The following GALNT4 variants were observed in gnomAD, a reference collection of about 807,000 sequenced individuals.
GALNT4 encodes polypeptide N-acetylgalactosaminyltransferase 4.
In GALNT4, 23 loss-of-function variants were observed where a neutral mutation model predicts 45.1. The observed-to-expected ratio is 0.51, with a 90% CI of 0.37 to 0.72. The LOEUF is 0.72. GALNT4 is among the 30% of genes least tolerant of loss of function. The probability of loss-of-function intolerance (pLI) is 0.00; values close to 1 mark genes in which losing one functional copy is unlikely to be tolerated. For missense variants in GALNT4, 757 were observed against 709.0 expected (o/e 1.07, Z -0.77); for synonymous variants, 264 against 257.6 (o/e 1.02, Z -0.24).
chr12:89,524,477 C>G lies in GALNT4; in HGVS notation c.73G>C (p.Val25Leu), dbSNP rs1871234804. Residue 25 changes from valine (V) to leucine (L), a missense_variant, in exon 1 of 1, where the codon GTG (valine) becomes CTG (leucine). By Grantham distance (32) the Val-to-Leu change is conservative. Transcript: ENST00000529983. ...LAFLTVAYIF[V>L]ELLVSTFHAS... ...TGAAAAGTAGAGACCAAGAGCTCCA[C>G]GAAGATATAGGCCACTGTTAAAAAC... The G allele has an allele frequency of 1.2e-6, 2 of 1,613,506 alleles. No individual in the cohort carries two copies. The highest frequency in any genetic ancestry group is 1.7e-6 in the Non-Finnish European group (2 of 1,179,896).
rs1480364213 is a variant in GALNT4, at chr12:89,523,065, C to T, written c.1485G>A (p.Arg495=). The part of the protein sequence containing the change: ...FFEYTSNKEI[R]FNSVTELCAE... ...CACATAACTCTGTCACAGAATTAAA[C>T]CTTATTTCTTTGTTTGAAGTATATT... The change falls in exon 1 of 1, where the codon AGG becomes AGA. Residue 495 remains arginine, a synonymous_variant. Coordinates refer to ENST00000529983, the MANE Select transcript of GALNT4 (RefSeq NM_003774.5). 1.9e-6 allele frequency: 3 copies of T among 1,613,690 alleles called. No individual in the cohort carries two copies. The highest frequency in any genetic ancestry group is 2.5e-6 in the Non-Finnish European group (3 of 1,179,766).
rs969955097 is a variant in GALNT4 at position 89,520,914 on chromosome 12, C to G, written c.*1899G>C. 1 of 151,992 alleles carries G rather than the reference C, an allele frequency of 6.6e-6. No individual in the cohort carries two copies. The highest frequency in any genetic ancestry group is 2.1e-4 in the South Asian group (1 of 4,828). The allele number at this position is 151,992 out of a possible 1,614,324, so 9.4% of individuals were successfully genotyped here. A position where few individuals can be genotyped will look rare whatever the true frequency, so the allele number is the denominator to read the frequency against. On this transcript the variant is annotated 3_prime_UTR_variant, in exon 1 of 1. Transcript: ENST00000529983. ...CCAGTAAAAATACTTTTAAAAAAAG[C>G]GTTTACTTCCCGAGTAATTTAGTTT...
rs1279833175 is a variant in GALNT4 at position 89,520,243 on chromosome 12, T to G, written c.*2570A>C. Reference sequence around the variant, plus strand: ...TTTAGGGCAAAAAGTCAATAAAGAATTAAGGTACTTTATTTTTAAAAGCCT... The same window carrying G: ...TTTAGGGCAAAAAGTCAATAAAGAAGTAAGGTACTTTATTTTTAAAAGCCT... On this transcript the variant is annotated 3_prime_UTR_variant, in exon 1 of 1. Transcript: ENST00000529983. The G allele has an allele frequency of 6.6e-6, 1 of 152,130 alleles. No individual in the cohort carries two copies. Among genetic ancestry groups the G allele is most frequent in the African/African-American group, 2.4e-5 (1 of 41,448 alleles). The allele number at this position is 152,130 out of a possible 1,614,324, so 9.4% of individuals were successfully genotyped here.
Position 89,523,863 on chromosome 12 carries a change from G to T in GALNT4, c.687C>A (p.His229Gln). Residue 229 changes from histidine to glutamine, a missense_variant, in exon 1 of 1, where the codon CAC (histidine) becomes CAA (glutamine). Coordinates refer to ENST00000529983, the MANE Select transcript of GALNT4 (RefSeq NM_003774.5). ...TGDVLTFLDC[H>Q]CECNSGWLEP... Reference sequence around the variant, plus strand: ...CCAGCCAACCGGAATTACACTCACAGTGACAATCCAGGAAAGTGAGGACGT... The same window carrying T: ...CCAGCCAACCGGAATTACACTCACATTGACAATCCAGGAAAGTGAGGACGT... The T allele has an allele frequency of 6.4e-7, 1 of 1,562,084 alleles. No individual in the cohort carries two copies.
At position 89,523,961 on chromosome 12, in the gene GALNT4, G is replaced by A. The variant is rs1451210682; in HGVS notation, c.589C>T (p.Arg197Cys). The change falls in exon 1 of 1, where the codon CGC becomes TGC. Residue 197 changes from arginine to cysteine, a missense_variant. Arg to Cys is a radical substitution (Grantham distance 180). Transcript: ENST00000529983. ...TCTCGCTTATTGGTCCTAATCAAGC[G>A]TACTCTATCAAGATTGCTGATGTAA... ...ETYISNLDRV[R>C]LIRTNKREGL... 3.7e-6 allele frequency: 6 copies of A among 1,613,780 alleles called. No individual in the cohort carries two copies. Among genetic ancestry groups the A allele is most frequent in the Admixed American group, 3.3e-5 (2 of 59,966 alleles).
In GALNT4 at chr12:89,524,109, G is replaced by C. The variant is rs748896616; in HGVS notation, c.441C>G (p.Ala147=). Residue 147 remains alanine, a synonymous_variant, in exon 1 of 1, where the codon GCC becomes GCG. Transcript: ENST00000529983. ...GAATGGTACGGAGCAAAGTCGACCA[G>C]GCTTCGTTATAGAAAGCAATGATAA... ...TSVIIAFYNE[A]WSTLLRTIHS... The C allele has an allele frequency of 8.7e-6, 14 of 1,613,870 alleles. No homozygotes were observed. The highest frequency in any genetic ancestry group is 1.2e-5 in the Non-Finnish European group (14 of 1,179,890).
At position 89,522,486 on chromosome 12, in the gene GALNT4, GGAC is replaced by G. The variant is rs1870968276; in HGVS notation, c.*324_*326del. 2.9e-6 allele frequency: 1 copy of G among 346,642 alleles called. No individual in the cohort carries two copies. Among genetic ancestry groups the G allele is most frequent in the African/African-American group, 2.1e-5 (1 of 47,686 alleles). The allele number at this position is 346,642 out of a possible 1,614,324, so 21.5% of individuals were successfully genotyped here. On this transcript the variant is annotated 3_prime_UTR_variant, in exon 1 of 1. Coordinates refer to ENST00000529983, the MANE Select transcript of GALNT4 (RefSeq NM_003774.5). ...ACATAAATCATACCTCATTTTACTT[GGAC>G]CTTTACATTCTTTAATATTAAGTCT...
In GALNT4 at chr12:89,524,330, G is replaced by A; in HGVS notation, c.220C>T (p.Leu74Phe). ...TTGCTGGCTTTCCCCCACTCCCCAA[G>A]TGCACGGGAATCTGCAGGGGGCTTC... The part of the protein sequence containing the change: ...YKKPPADSRA[L>F]GEWGKASKLQ... Residue 74 changes from leucine (L) to phenylalanine (F), a missense_variant, in exon 1 of 1, where the codon CTT (leucine) becomes TTT (phenylalanine). Physicochemically the swap from Leu to Phe is conservative, Grantham distance 22. Coordinates refer to ENST00000529983, the MANE Select transcript of GALNT4 (RefSeq NM_003774.5). The A allele has an allele frequency of 6.2e-7, 1 of 1,613,992 alleles. No homozygotes were observed. Among genetic ancestry groups the A allele is most frequent in the Non-Finnish European group, 8.5e-7 (1 of 1,179,880 alleles).
In GALNT4 at chr12:89,522,257, C is replaced by T; in HGVS notation, c.*556G>A. On this transcript the variant is annotated 3_prime_UTR_variant, in exon 1 of 1. Transcript: ENST00000529983. ...TCAAACAAATGCCCTCTTCCAATTACACATATCTCTAAAACCAGGCCTTTT... is the reference window on the plus strand; with the variant it reads ...TCAAACAAATGCCCTCTTCCAATTATACATATCTCTAAAACCAGGCCTTTT... 2.5e-6 allele frequency: 1 copy of T among 398,240 alleles called. No homozygotes were observed. The highest frequency in any genetic ancestry group is 2.1e-5 in the African/African-American group (1 of 48,746). 24.7% of individuals were successfully genotyped at this position (398,240 alleles called of 1,614,324 possible).
chr12:89,521,098 A>ATTTTTTTTTTTTTTTTTTTTTT lies in GALNT4; in HGVS notation c.*1714_*1715insAAAAAAAAAAAAAAAAAAAAAA, dbSNP rs201411448. 1.8e-5 allele frequency: 2 copies of ATTTTTTTTTTTTTTTTTTTTTT among 113,250 alleles called. 1 individual carries two copies. The highest frequency in any genetic ancestry group is 7.0e-5 in the African/African-American group (2 of 28,636). The allele number at this position is 113,250 out of a possible 1,614,324, so 7.0% of individuals were successfully genotyped here. A position where few individuals can be genotyped will look rare whatever the true frequency, so the allele number is the denominator to read the frequency against. On this transcript the variant is annotated 3_prime_UTR_variant, in exon 1 of 1. Coordinates refer to ENST00000529983, the MANE Select transcript of GALNT4 (RefSeq NM_003774.5). ...CACTTCAGGTGAGTTCAGCTCACTT[A>ATTTTTTTTTTTTTTTTTTTTTT]TTTTATTATTATTTTTTTTTTTTGA...
chr12:89,524,150 G>C lies in GALNT4; in HGVS notation c.400C>G (p.Leu134Val). ...GCAATGATAACAGAGGTGGTAGGAAGTGTCCTATAGTTGAACTTCTGGGAC... is the reference window on the plus strand; with the variant it reads ...GCAATGATAACAGAGGTGGTAGGAACTGTCCTATAGTTGAACTTCTGGGAC... ...CKSQKFNYRTLPTTSVIIAFY... is the reference protein window; with the variant it reads ...CKSQKFNYRTVPTTSVIIAFY... The change falls in exon 1 of 1, where the codon CTT (leucine) becomes GTT (valine). Residue 134 changes from leucine (L) to valine (V), a missense_variant. Physicochemically the swap from Leu to Val is conservative, Grantham distance 32. Coordinates refer to ENST00000529983, the MANE Select transcript of GALNT4 (RefSeq NM_003774.5). 1.2e-6 allele frequency: 2 copies of C among 1,614,060 alleles called. No individual in the cohort carries two copies. Among genetic ancestry groups the C allele is most frequent in the Non-Finnish European group, 1.7e-6 (2 of 1,179,900 alleles).
chr12:89,523,516 A>G lies in GALNT4; in HGVS notation c.1034T>C (p.Val345Ala). Residue 345 changes from valine (V) to alanine (A), a missense_variant, in exon 1 of 1, where the codon GTG (valine) becomes GCG (alanine). Physicochemically the swap from Val to Ala is moderately conservative, Grantham distance 64. Transcript: ENST00000529983. ...GGENLELSFR[V>A]WQCGGKLEIH... ...CTCCAATTTGCCACCACACTGCCAC[A>G]CCCTAAAAGACAGCTCAAGGTTTTC... 1.2e-6 allele frequency: 2 copies of G among 1,608,196 alleles called. No homozygotes were observed. Among genetic ancestry groups the G allele is most frequent in the Non-Finnish European group, 1.7e-6 (2 of 1,177,514 alleles).
rs1396084024 is a variant in GALNT4 at position 89,521,854 on chromosome 12, G to T, written c.*959C>A. 5.0e-6 allele frequency: 2 copies of T among 397,704 alleles called. No individual in the cohort carries two copies. The highest frequency in any genetic ancestry group is 4.4e-6 in the Non-Finnish European group (1 of 225,834). The allele number at this position is 397,704 out of a possible 1,614,324, so 24.6% of individuals were successfully genotyped here. On this transcript the variant is annotated 3_prime_UTR_variant, in exon 1 of 1. Coordinates refer to ENST00000529983, the MANE Select transcript of GALNT4 (RefSeq NM_003774.5). Reference sequence around the variant, plus strand: ...ATTTCCTGATCAGCAGAACTCGTAGGAGAGTTCCACAGCCTTGGTAGAACC... The same window carrying T: ...ATTTCCTGATCAGCAGAACTCGTAGTAGAGTTCCACAGCCTTGGTAGAACC...
At position 89,519,837 on chromosome 12, in the gene GALNT4, A is replaced by G. The variant is rs1465579222; in HGVS notation, c.*2976T>C. 1 of 152,468 alleles carries G rather than the reference A, an allele frequency of 6.6e-6. No individual in the cohort carries two copies. Among genetic ancestry groups the G allele is most frequent in the Non-Finnish European group, 1.5e-5 (1 of 68,004 alleles). The allele number at this position is 152,468 out of a possible 1,614,324, so 9.4% of individuals were successfully genotyped here. A position where few individuals can be genotyped will look rare whatever the true frequency, so the allele number is the denominator to read the frequency against. ...AATGACTAAAAATGCCTATTTAGATAGTCAACCTATCCGTAAAGTTGGACA... is the reference window on the plus strand; with the variant it reads ...AATGACTAAAAATGCCTATTTAGATGGTCAACCTATCCGTAAAGTTGGACA... On this transcript the variant is annotated 3_prime_UTR_variant, in exon 1 of 1. Coordinates refer to ENST00000529983, the MANE Select transcript of GALNT4 (RefSeq NM_003774.5).
chr12:89,522,761 CTT>C lies in GALNT4; in HGVS notation c.*50_*51del, dbSNP rs1221970300. 2.6e-6 allele frequency: 4 copies of C among 1,519,996 alleles called. No individual in the cohort carries two copies. The highest frequency in any genetic ancestry group is 4.6e-5 in the Admixed American group (2 of 43,556). 94.2% of individuals were successfully genotyped at this position (1,519,996 alleles called of 1,614,324 possible). On this transcript the variant is annotated 3_prime_UTR_variant, in exon 1 of 1. Coordinates refer to ENST00000529983, the MANE Select transcript of GALNT4 (RefSeq NM_003774.5). ...AATCTTCACTGAGGCTCTTAAGGCT[CTT>C]TGACTTTCTTGACACTACTGTCAGC...
chr12:89,524,217 G>A lies in GALNT4; in HGVS notation c.333C>T (p.Ser111=), dbSNP rs1191767973. 1.2e-6 allele frequency: 2 copies of A among 1,613,948 alleles called. No individual in the cohort carries two copies. Among genetic ancestry groups the A allele is most frequent in the Admixed American group, 1.7e-5 (1 of 60,026 alleles). Residue 111 remains serine (S), a synonymous_variant, in exon 1 of 1, where the codon TCC becomes TCT. Coordinates refer to ENST00000529983, the MANE Select transcript of GALNT4 (RefSeq NM_003774.5). ...TTTTATCCTCTATGTGTCGATGCAG[G>A]GAAATCCTGTCACTGAGGTAAATAT... ...AINIYLSDRI[S]LHRHIEDKRM...
In GALNT4 at chr12:89,522,152, A is replaced by C. The variant is rs3759319; in HGVS notation, c.*661T>G. 2 of 398,832 alleles carry C rather than the reference A, an allele frequency of 5.0e-6. No homozygotes were observed. Among genetic ancestry groups the C allele is most frequent in the East Asian group, 3.6e-5 (1 of 28,074 alleles). 24.7% of individuals were successfully genotyped at this position (398,832 alleles called of 1,614,324 possible). Reference sequence around the variant, plus strand: ...GTGAAGTCCAATAGCTCAAGTTTACAAAGTACGGAATGTAAATATCTCCCC... The same window carrying C: ...GTGAAGTCCAATAGCTCAAGTTTACCAAGTACGGAATGTAAATATCTCCCC... On this transcript the variant is annotated 3_prime_UTR_variant, in exon 1 of 1. Transcript: ENST00000529983.
At position 89,522,906 on chromosome 12, in the gene GALNT4, A is replaced by G. The variant is rs1871009632; in HGVS notation, c.1644T>C (p.Leu548=). 6.2e-7 allele frequency: 1 copy of G among 1,614,038 alleles called. No homozygotes were observed. Among genetic ancestry groups the G allele is most frequent in the East Asian group, 2.2e-5 (1 of 44,888 alleles). The stretch of plus-strand genomic sequence containing the variant: ...GGCCCTCCGGTGTCCGATAAGCACT[A>G]AGACACAGTCCTGAGTGTGGGTGAA... ...TIFHPHSGLC[L]SAYRTPEGRP... Residue 548 remains leucine (L), a synonymous_variant, in exon 1 of 1, where the codon CTT becomes CTC. Transcript: ENST00000529983.
At position 89,522,176 on chromosome 12, in the gene GALNT4, CCATTT is replaced by C; in HGVS notation, c.*632_*636del. On this transcript the variant is annotated 3_prime_UTR_variant, in exon 1 of 1. Coordinates refer to ENST00000529983, the MANE Select transcript of GALNT4 (RefSeq NM_003774.5). ...CAAAGTACGGAATGTAAATATCTCC[CCATTT>C]CATTTAAATATGGGTATGTCTGCAT... 2.5e-6 allele frequency: 1 copy of C among 398,802 alleles called. No individual in the cohort carries two copies. The highest frequency in any genetic ancestry group is 4.4e-6 in the Non-Finnish European group (1 of 226,040). 24.7% of individuals were successfully genotyped at this position (398,802 alleles called of 1,614,324 possible).
Sources: gnomAD v4.1 joint callset for allele counts on GRCh38, gnomAD v4.1.1 for gene constraint, MANE v1.5 for transcripts, NCBI Gene and HGNC (gene_info 2026-07-23, HGNC 2026-07-21) for gene names.